The following CELF5 variants were observed in gnomAD, a reference collection of about 807,000 sequenced individuals.
CELF5 encodes CUGBP Elav-like family member 5, also known as CUG-BP and ETR-3 like factor 5.
CELF5 carries 6 observed loss-of-function variants against 54.9 expected under a neutral mutation model. That is an observed-to-expected ratio of 0.11 (90% CI 0.06 to 0.22). The LOEUF (loss-of-function observed/expected upper bound fraction) is 0.22, where lower values mean the gene tolerates loss of function less well. Ranked by LOEUF, CELF5 falls within the 10% of genes least tolerant of loss-of-function variation. The pLI is 1.00. For missense variants in CELF5, 401 were observed against 678.6 expected (o/e 0.59, Z 4.54); for synonymous variants, 271 against 290.9 (o/e 0.93, Z 0.70).
At chr19:3,273,956 G>T (rs754236033) in intron 3 of CELF5, 33 bp downstream of exon 3, 1 of 1,602,676 alleles carries the variant, frequency 6.2e-7, no homozygotes, top group Non-Finnish European at 8.5e-7. Context: ...CAGGCTGGGG[G>T]TTGGCGGAGG....
chr19:3,245,053 CGTAT>C (rs943823047), intron 1 of CELF5, among the ~76,000 whole-genome samples: 1 of 120,854 alleles, frequency 8.3e-6, no homozygotes, highest in Non-Finnish European at 1.7e-5. Flanking sequence ...TCCACGTGTG[CGTAT>C]GTGTTGTGTG....
At chr19:3,271,240 C>T (rs1202291961) in intron 2 of CELF5, among the ~76,000 whole-genome samples, 3 of 151,632 alleles carry the variant, frequency 2.0e-5, no homozygotes, top group Non-Finnish European at 4.4e-5. Flanking sequence ...AGGTGCCCCC[C>T]CATCTCTCCC....
chr19:3,226,440 T>TCACACA (rs71164666), intron 1 of CELF5, among the ~76,000 whole-genome samples: 19,982 of 118,810 alleles, frequency 0.17, 1,889 homozygotes, highest in East Asian at 0.25. Context: ...AAACCAACCA[T>TCACACA]CACACACACA....
intron 5 of CELF5, among the ~76,000 whole-genome samples, chr19:3,280,587 A>G (rs1012153662): frequency 7.9e-5 from 12 of 152,016 alleles, no homozygotes; most frequent in Non-Finnish European, 1.3e-4. Context: ...AAACAAAACA[A>G]AAAAAATCCG....
At chr19:3,284,789 AGAG>A (rs2080206993) in intron 8 of CELF5, 110 bp from the exon 9 acceptor site, 7 of 912,502 alleles carry the variant, frequency 7.7e-6, no homozygotes, top group East Asian at 5.1e-5. Context: ...GGTTTAGCAC[AGAG>A]GAGAAGCTGG....
chr19:3,246,941 G>C (rs911371595), intron 1 of CELF5, among the ~76,000 whole-genome samples: 1 of 152,190 alleles, frequency 6.6e-6, no homozygotes, highest in Non-Finnish European at 1.5e-5. Context: ...GCGGACCTAT[G>C]CTATGATTTC....
chr19:3,253,041 G>C (rs114709127), intron 2 of CELF5, among the ~76,000 whole-genome samples: 259 of 151,952 alleles, frequency 1.7e-3, no homozygotes, highest in African/African-American at 6.0e-3. Flanking sequence ...TGAATTCACT[G>C]TTCATCTTGG....
intron 1 of CELF5, among the ~76,000 whole-genome samples, chr19:3,233,315 A>T (rs1917359171): frequency 6.6e-6 from 1 of 152,194 alleles, no homozygotes; most frequent in African/African-American, 2.4e-5. Flanking sequence ...AACTTTATTA[A>T]GTCTGTATTG....
intron 1 of CELF5, among the ~76,000 whole-genome samples, chr19:3,242,718 A>G (rs1179675657): frequency 1.3e-5 from 2 of 152,096 alleles, no homozygotes; most frequent in Non-Finnish European, 2.9e-5. Flanking sequence ...AGGCAGGAGA[A>G]TCGCTTGAAC....
At chr19:3,233,082 AT>A (rs1355990427) in intron 1 of CELF5, among the ~76,000 whole-genome samples, 1 of 150,810 alleles carries the variant, frequency 6.6e-6, no homozygotes. Context: ...CTCAAAAAAA[AT>A]AAAAATTAAA....
chr19:3,259,850 C>A (rs766961115), intron 2 of CELF5, among the ~76,000 whole-genome samples: 4 of 151,988 alleles, frequency 2.6e-5, no homozygotes, highest in Non-Finnish European at 5.9e-5. Flanking sequence ...CAGGATGGCC[C>A]GACTCCAGAG....
rs2080161319 is a variant in CELF5, at chr19:3,282,073, G to A, written c.751-53G>A. On this transcript the variant is annotated intron_variant, in intron 6 of 12. Coordinates refer to ENST00000292672, the MANE Select transcript of CELF5 (RefSeq NM_021938.4). The surrounding 1 kb of genome is among the most constrained non-coding windows in gnomAD (Gnocchi z 5.2). ...TGGGGTACCAAGCCTCCCCTCATAA[G>A]CCATGATCTCAGGGCAGATATCACC... 2 of 1,605,124 alleles carry A rather than the reference G, an allele frequency of 1.2e-6. No homozygotes were observed. The highest frequency in any genetic ancestry group is 2.2e-5 in the East Asian group (1 of 44,700).
chr19:3,263,282 G>T (rs1006127207), intron 2 of CELF5, among the ~76,000 whole-genome samples: 5 of 146,332 alleles, frequency 3.4e-5, no homozygotes, highest in African/African-American at 1.3e-4. Context: ...GGGAGACCAG[G>T]CTGGGTGCTG....
intron 2 of CELF5, among the ~76,000 whole-genome samples, chr19:3,271,435 G>T (rs969485763): frequency 6.6e-6 from 1 of 152,134 alleles, no homozygotes; most frequent in South Asian, 2.1e-4. Context: ...GAGCATGGAG[G>T]TTTTCCTCTC....
At chr19:3,236,920 C>T (rs1013319121) in intron 1 of CELF5, among the ~76,000 whole-genome samples, 7 of 149,022 alleles carry the variant, frequency 4.7e-5, no homozygotes, top group Non-Finnish European at 1.0e-4. Flanking sequence ...ACCCGGGAGG[C>T]GGAGATTGCA....
At chr19:3,239,697 C>T (rs1040292443) in intron 1 of CELF5, among the ~76,000 whole-genome samples, 2 of 151,878 alleles carry the variant, frequency 1.3e-5, no homozygotes, top group African/African-American at 4.8e-5. Context: ...CCCCTCCCCT[C>T]GTCCCCCACC....
At chr19:3,256,940 A>G (rs942612082) in intron 2 of CELF5, among the ~76,000 whole-genome samples, 1 of 152,086 alleles carries the variant, frequency 6.6e-6, no homozygotes, top group East Asian at 1.9e-4. Flanking sequence ...ATCATAGCTC[A>G]TAGCACGATC....
chr19:3,284,844 G>A, intron 8 of CELF5, 58 bp from the exon 9 acceptor site: 2 of 1,452,452 alleles, frequency 1.4e-6, no homozygotes, highest in Non-Finnish European at 9.7e-7. Context: ...TAAGGATCGG[G>A]GGTGGATGGA....
Position 3,290,173 on chromosome 19 carries a change from CG to C in CELF5, c.1187-51del, listed in dbSNP as rs571819958. Reference sequence around the variant, plus strand: ...GGGCTCCAGACCTGTGCCCCTCCCCCGGGGGGGTTCGCCTCCTCTCCTTGGG... The same window carrying C: ...GGGCTCCAGACCTGTGCCCCTCCCCCGGGGGGTTCGCCTCCTCTCCTTGGG... On this transcript the variant is annotated intron_variant, in intron 10 of 12. Transcript: ENST00000292672. 7.8e-4 allele frequency: 1,161 copies of C among 1,487,916 alleles called. 16 individuals are homozygous for C. In the African/African-American group the frequency reaches 0.014, roughly 18 times the overall value. The allele number at this position is 1,487,916 out of a possible 1,614,324, so 92.2% of individuals were successfully genotyped here. A position where few individuals can be genotyped will look rare whatever the true frequency, so the allele number is the denominator to read the frequency against.
Sources: allele counts gnomAD v4.1 joint callset (sites outside exome capture counted in the v4.1 genomes callset), GRCh38; gene constraint gnomAD v4.1.1; non-coding constraint Gnocchi (gnomAD v3.1); transcripts MANE v1.5; gene names NCBI Gene and HGNC (gene_info 2026-07-23, HGNC 2026-07-21).